Variants in NEK1 observed in about 807,000 individuals in gnomAD.
NEK1 encodes serine/threonine-protein kinase Nek1.
Under a neutral mutation model 182.1 loss-of-function variants are expected in NEK1, and 137 were observed. That is an observed-to-expected ratio of 0.75 (90% CI 0.65 to 0.87). The LOEUF is 0.87. NEK1 is among the 40% of genes least tolerant of loss of function. NEK1 has a pLI of 0.00. For synonymous variants in NEK1, 513 were observed against 492.2 expected (o/e 1.04, Z -0.56); for missense variants, 1,391 against 1,494.4 (o/e 0.93, Z 1.14).
At chr4:169,601,976 AT>A in intron 4 of NEK1, 31 bp downstream of exon 4, 1 of 1,466,862 alleles carries the variant, frequency 6.8e-7, no homozygotes, top group Non-Finnish European at 9.5e-7. Flanking sequence ...ATGTCTTAGG[AT>A]TTTTTAACTC....
intron 23 of NEK1, among the ~76,000 whole-genome samples, chr4:169,484,662 T>C (rs938398266): frequency 6.6e-6 from 1 of 152,122 alleles, no homozygotes; most frequent in African/African-American, 2.4e-5. Flanking sequence ...GGGGCACCAG[T>C]GAGAACAGCC....
At chr4:169,396,390 AAAAAAAG>A (rs1730715193) in intron 35 of NEK1, among the ~76,000 whole-genome samples, 1 of 149,622 alleles carries the variant, frequency 6.7e-6, no homozygotes, top group Non-Finnish European at 1.5e-5. Flanking sequence ...AAAAAAAAAA[AAAAAAAG>A]AAGAATCTAT....
intron 19 of NEK1, among the ~76,000 whole-genome samples, chr4:169,510,107 T>G (rs972626547): frequency 5.3e-5 from 8 of 152,218 alleles, no homozygotes; most frequent in Admixed American, 3.3e-4. Context: ...CAATTGTCAC[T>G]ATTTTTCACA....
At chr4:169,522,755 T>G (rs1342465048) in intron 19 of NEK1, among the ~76,000 whole-genome samples, 1 of 152,228 alleles carries the variant, frequency 6.6e-6, no homozygotes, top group Admixed American at 6.5e-5. Flanking sequence ...GCTTCACCAC[T>G]GTCCTGAGCT....
At chr4:169,458,783 G>C (rs1488202695) in intron 27 of NEK1, among the ~76,000 whole-genome samples, 1 of 146,444 alleles carries the variant, frequency 6.8e-6, no homozygotes, top group Non-Finnish European at 1.5e-5. Flanking sequence ...GAGCCATGTT[G>C]CAACACTGCA....
chr4:169,400,976 C>T (rs912713750), intron 33 of NEK1, among the ~76,000 whole-genome samples: 2 of 151,224 alleles, frequency 1.3e-5, no homozygotes, highest in Admixed American at 6.6e-5. Context: ...AGCAGCTAAC[C>T]CTAACTAGTA....
chr4:169,416,460 C>T (rs974063030), intron 31 of NEK1, among the ~76,000 whole-genome samples: 1 of 152,204 alleles, frequency 6.6e-6, no homozygotes, highest in Non-Finnish European at 1.5e-5. Context: ...ATTTCTTATA[C>T]TACTCACCAA....
chr4:169,572,040 G>A (rs1296502074), intron 12 of NEK1, among the ~76,000 whole-genome samples: 1 of 151,818 alleles, frequency 6.6e-6, no homozygotes, highest in African/African-American at 2.4e-5. Context: ...CACCGGGCCC[G>A]GCCGACCCTG....
At chr4:169,508,742 G>A in intron 20 of NEK1, 27 bp downstream of exon 20, 3 of 1,503,920 alleles carry the variant, frequency 2.0e-6, no homozygotes, top group Non-Finnish European at 2.7e-6. Flanking sequence ...CTATGTGATG[G>A]AGGTAGCGAA....
At chr4:169,566,274 T>C (rs1580810021) in intron 12 of NEK1, among the ~76,000 whole-genome samples, 1 of 152,338 alleles carries the variant, frequency 6.6e-6, no homozygotes, top group Admixed American at 6.5e-5. Context: ...ATTGTATTCA[T>C]CTTCTAATGG....
chr4:169,451,392 C>T (rs2149467220), intron 27 of NEK1, among the ~76,000 whole-genome samples: 1 of 152,276 alleles, frequency 6.6e-6, no homozygotes, highest in South Asian at 2.1e-4. Flanking sequence ...GGAAGTAAAG[C>T]ACTCCTCAGC....
At chr4:169,444,675 G>A (rs1488244150) in intron 27 of NEK1, among the ~76,000 whole-genome samples, 2 of 152,082 alleles carry the variant, frequency 1.3e-5, no homozygotes, top group African/African-American at 2.4e-5. Context: ...AACGCCCCAT[G>A]GACAGCACTG....
At chr4:169,545,285 T>C (rs1760219338) in intron 18 of NEK1, among the ~76,000 whole-genome samples, 1 of 147,962 alleles carries the variant, frequency 6.8e-6, no homozygotes, top group African/African-American at 2.5e-5. Flanking sequence ...TTCCCACCTA[T>C]GAGTGAGAAT....
Position 169,556,014 on chromosome 4 carries a change from A to C in NEK1, c.1348T>G (p.Phe450Val). ...GCTCTTTGTTGCTGCATTTGGTCAA[A>C]AATGGCATGGTAATGTTCATACTGT... The part of the protein sequence containing the change: ...RGQYEHYHAI[F>V]DQMQQQRAED... The change falls in exon 17 of 36, where the codon TTT becomes GTT. Residue 450 changes from phenylalanine to valine, a missense_variant. By Grantham distance (50) the Phe-to-Val change is conservative. This residue lies in a region of NEK1 where 1,216 missense variants were observed against 1,277.6 expected (regional missense o/e 0.95). Coordinates refer to ENST00000507142, the MANE Select transcript of NEK1 (RefSeq NM_001199397.3). The C allele has an allele frequency of 6.2e-7, 1 of 1,613,768 alleles. No individual in the cohort carries two copies. The highest frequency in any genetic ancestry group is 8.5e-7 in the Non-Finnish European group (1 of 1,179,796).
chr4:169,495,224 G>T (rs557303090), intron 23 of NEK1, among the ~76,000 whole-genome samples: 15 of 147,390 alleles, frequency 1.0e-4, no homozygotes, highest in Admixed American at 7.4e-4. Context: ...ATGGTTTTAG[G>T]TCTAACATTT....
At chr4:169,558,152 A>G (rs1762413518) in intron 16 of NEK1, among the ~76,000 whole-genome samples, 1 of 152,266 alleles carries the variant, frequency 6.6e-6, no homozygotes, top group African/African-American at 2.4e-5. Flanking sequence ...ATTTAGCCCA[A>G]TGCTAATATC....
rs1733656456 is a variant in NEK1, at chr4:169,393,038, T to C, written c.*1472A>G. ...TTTGAAATATGGCTAAAACAATTTT[T>C]TTCTACCATATTATACCCTTTTCTA... On this transcript the variant is annotated 3_prime_UTR_variant, in exon 36 of 36. Transcript: ENST00000507142. 6.6e-6 allele frequency: 1 copy of C among 152,216 alleles called. No homozygotes were observed. The highest frequency in any genetic ancestry group is 6.5e-5 in the Admixed American group (1 of 15,282). The allele number at this position is 152,216 out of a possible 1,614,324, so 9.4% of individuals were successfully genotyped here. A position where few individuals can be genotyped will look rare whatever the true frequency, so the allele number is the denominator to read the frequency against.
intron 27 of NEK1, among the ~76,000 whole-genome samples, chr4:169,449,220 T>C (rs1407692312): frequency 6.6e-6 from 1 of 152,158 alleles, no homozygotes; most frequent in Non-Finnish European, 1.5e-5. Context: ...TCCACCTCTG[T>C]GGGCAGGGCA....
At chr4:169,522,481 G>C (rs977301318) in intron 19 of NEK1, among the ~76,000 whole-genome samples, 20 of 152,332 alleles carry the variant, frequency 1.3e-4, no homozygotes, top group African/African-American at 4.8e-4. Flanking sequence ...TTTTATGCAG[G>C]AAGTAGCCTG....
Sources: allele counts gnomAD v4.1 joint callset (sites outside exome capture counted in the v4.1 genomes callset), GRCh38; gene constraint gnomAD v4.1.1; regional missense constraint gnomAD v4.1.1; transcripts MANE v1.5; gene names NCBI Gene and HGNC (gene_info 2026-07-23, HGNC 2026-07-21).